LCT: variants seen among roughly 807,000 people sequenced by gnomAD.
The protein encoded by LCT is lactase/phlorizin hydrolase.
Under a neutral mutation model 173.0 loss-of-function variants are expected in LCT, and 90 were observed. The observed-to-expected ratio is 0.52, with a 90% CI of 0.44 to 0.62. LCT has a LOEUF of 0.62. Among genes scored for constraint, LCT ranks in the 20% least tolerant of loss-of-function variants. LCT has a pLI of 0.00. For synonymous variants in LCT, 853 were observed against 957.6 expected, an observed-to-expected ratio of 0.89 and a Z score of 2.02; for missense variants, 1,864 against 2,431.4, an observed-to-expected ratio of 0.77 and a Z score of 4.91.
At chr2:135,801,672 CA>C in intron 11 of LCT, among the ~76,000 whole-genome samples, 1 of 150,156 alleles carries the variant, frequency 6.7e-6, no homozygotes, top group Middle Eastern at 3.4e-3. Flanking sequence ...CCGAGGGGTT[CA>C]AACAATTCTC....
At chr2:135,803,852 G>T in intron 11 of LCT, 78 bp downstream of exon 11, 2 of 1,358,846 alleles carry the variant, frequency 1.5e-6, no homozygotes, top group South Asian at 1.2e-5. Context: ...GCCTCGTCCT[G>T]TGCCATCTGG....
intron 14 of LCT, among the ~76,000 whole-genome samples, chr2:135,794,027 C>G (rs928018726): frequency 1.3e-5 from 2 of 151,070 alleles, no homozygotes; most frequent in Non-Finnish European, 2.9e-5. Flanking sequence ...GTAATCCCAG[C>G]TACTTGGAGG....
At chr2:135,797,989 G>A (rs754045877) in intron 13 of LCT, 40 bp downstream of exon 13, 1 of 1,122,036 alleles carries the variant, frequency 8.9e-7, no homozygotes, top group East Asian at 2.3e-5. Context: ...CTGTGACCCC[G>A]ACGCCCATGC....
At chr2:135,816,871 A>ATTT (rs34890037) in intron 6 of LCT, among the ~76,000 whole-genome samples, 9 of 147,062 alleles carry the variant, frequency 6.1e-5, no homozygotes, top group African/African-American at 2.3e-4. Context: ...GTGATTAACA[A>ATTT]TTTTTTTTTT....
intron 2 of LCT, among the ~76,000 whole-genome samples, chr2:135,830,542 C>T (rs1178742812): frequency 6.6e-6 from 1 of 152,198 alleles, no homozygotes; most frequent in African/African-American, 2.4e-5. Flanking sequence ...TCTGTGAATG[C>T]CTAGTGTTCC....
At chr2:135,821,488 C>T (rs1403468481) in intron 5 of LCT, among the ~76,000 whole-genome samples, 1 of 152,182 alleles carries the variant, frequency 6.6e-6, no homozygotes, top group African/African-American at 2.4e-5. Context: ...ACACTGTCTC[C>T]AGCAAGATCT....
chr2:135,833,326 A>G, intron 1 of LCT, 136 bp from the exon 2 acceptor site: 1 of 756,082 alleles, frequency 1.3e-6, no homozygotes, highest in South Asian at 1.4e-5. Context: ...AAGATTTTAG[A>G]AGACAAGGTG....
chr2:135,819,752 C>T (rs1196727482), intron 5 of LCT, among the ~76,000 whole-genome samples: 3 of 152,180 alleles, frequency 2.0e-5, no homozygotes, highest in African/African-American at 4.8e-5. Context: ...GGATGTGTCG[C>T]GTCCCCTCGG....
intron 9 of LCT, among the ~76,000 whole-genome samples, chr2:135,806,276 C>G (rs902216635): frequency 6.6e-6 from 1 of 152,006 alleles, no homozygotes; most frequent in African/African-American, 2.4e-5. Context: ...CACACCTGGA[C>G]CAATGTGCTT....
At chr2:135,799,236 C>A (rs2077606407) in intron 12 of LCT, among the ~76,000 whole-genome samples, 1 of 152,068 alleles carries the variant, frequency 6.6e-6, no homozygotes, top group Non-Finnish European at 1.5e-5. Context: ...TGGTGTTTCC[C>A]CCGAGAGAGT....
chr2:135,800,653 T>C lies in LCT; in HGVS notation c.4820A>G (p.Asp1607Gly). 1 of 1,613,052 alleles carries C rather than the reference T, an allele frequency of 6.2e-7. No individual in the cohort carries two copies. The highest frequency in any genetic ancestry group is 8.5e-7 in the Non-Finnish European group (1 of 1,180,026). The change falls in exon 12 of 17, where the codon GAT becomes GGT. Residue 1607 changes from aspartate (D) to glycine (G), a missense_variant. Transcript: ENST00000264162. ...TISSDWAEPR[D>G]PSNQEDVEAA... ...CTCCACATCCTCCTGGTTAGAGGGA[T>C]CTCTGGGTTCAGCCCAGTCACTGCT...
At position 135,808,457 on chromosome 2, in the gene LCT, T is replaced by C. The variant is rs770117710; in HGVS notation, c.3890A>G (p.Asn1297Ser). 5 of 1,613,078 alleles carry C rather than the reference T, an allele frequency of 3.1e-6. No individual in the cohort carries two copies. Among genetic ancestry groups the C allele is most frequent in the Middle Eastern group, 1.6e-4 (1 of 6,082 alleles). ...DRIFYHKTYI[N>S]EALKAYRLDG... ...CCCTCACACACCTTTCAAAGCCTCA[T>C]TGATGTAGGTTTTGTGGTAAAATAT... Residue 1297 changes from asparagine (N) to serine (S), a missense_variant, in exon 8 of 17, where the codon AAT becomes AGT. Asn to Ser is a conservative substitution (Grantham distance 46). This residue lies in a region of LCT where 755 missense variants were observed against 926.3 expected (regional missense o/e 0.82). Coordinates refer to ENST00000264162, the MANE Select transcript of LCT (RefSeq NM_002299.4).
intron 4 of LCT, among the ~76,000 whole-genome samples, chr2:135,823,519 G>A (rs903878819): frequency 1.2e-4 from 18 of 152,312 alleles, no homozygotes; most frequent in African/African-American, 4.1e-4. Flanking sequence ...AAGGGTAAGT[G>A]GAGAGGGCTG....
intron 4 of LCT, 78 bp from the exon 5 acceptor site, chr2:135,822,176 C>CG (rs2077840277): frequency 1.1e-6 from 1 of 890,482 alleles, no homozygotes; most frequent in Non-Finnish European, 1.9e-6. Flanking sequence ...CAGTTTTCCT[C>CG]GCTCATACGA....
At chr2:135,821,980 A>G in intron 5 of LCT, 40 bp downstream of exon 5, 1 of 1,110,520 alleles carries the variant, frequency 9.0e-7, no homozygotes. Flanking sequence ...TATTCTACAA[A>G]TATCAGTTAT....
In LCT at chr2:135,804,797, A is replaced by G. The variant is rs778761405; in HGVS notation, c.4434T>C (p.Asp1478=). ...AGLNYYVRLI[D]TLLAASIQPQ... Reference sequence around the variant, plus strand: ...GCTGGATGCTGGCGGCCAGCAGTGTATCGATGAGCCTCACGTAGTAGTTCA... The same window carrying G: ...GCTGGATGCTGGCGGCCAGCAGTGTGTCGATGAGCCTCACGTAGTAGTTCA... The change falls in exon 10 of 17, where the codon GAT becomes GAC. Residue 1478 remains aspartate (D), a synonymous_variant. Coordinates refer to ENST00000264162, the MANE Select transcript of LCT (RefSeq NM_002299.4). The G allele has an allele frequency of 1.5e-5, 24 of 1,613,064 alleles. No individual in the cohort carries two copies. Among genetic ancestry groups the G allele is most frequent in the Non-Finnish European group, 1.9e-5 (22 of 1,180,040 alleles).
At position 135,817,965 on chromosome 2, in the gene LCT, T is replaced by C. The variant is rs760664766; in HGVS notation, c.1083A>G (p.Arg361=). Residue 361 remains arginine, a synonymous_variant, in exon 6 of 17, where the codon AGA becomes AGG. Coordinates refer to ENST00000264162, the MANE Select transcript of LCT (RefSeq NM_002299.4). ...ACTGATTGGCAAATGCTTCCCAGAT[T>C]CTCTGATAGGCAGAGGCAGGAGAGG... The part of the protein sequence containing the change: ...TDSSPASAYQ[R]IWEAFANQSR... The C allele has an allele frequency of 2.1e-5, 34 of 1,613,770 alleles. No individual in the cohort carries two copies. Among genetic ancestry groups the C allele is most frequent in the Non-Finnish European group, 2.8e-5 (33 of 1,179,974 alleles).
intron 4 of LCT, chr2:135,822,841 A>C (rs1235828608): frequency 1.3e-5 from 2 of 153,390 alleles, no homozygotes; most frequent in African/African-American, 2.4e-5. Flanking sequence ...TTCAGGGATT[A>C]GTGCAGTCTC....
At position 135,809,700 on chromosome 2, in the gene LCT, C is replaced by T. The variant is rs187369069; in HGVS notation, c.2647G>A (p.Val883Ile). The change falls in exon 8 of 17, where the codon GTT becomes ATT. Residue 883 changes from valine (V) to isoleucine (I), a missense_variant. By Grantham distance (29) the Val-to-Ile change is conservative. Coordinates refer to ENST00000264162, the MANE Select transcript of LCT (RefSeq NM_002299.4). The surrounding 1 kb of genome is among the most constrained non-coding windows in gnomAD (Gnocchi z 5.5). ...PSEVPSKAKV[V>I]WEKFSSQPKF... ...GGTTGGCTGGAGAACTTTTCCCAAA[C>T]GACTTTAGCCTTGGAGGGCACCTCA... The T allele has an allele frequency of 3.4e-5, 55 of 1,614,222 alleles. No individual in the cohort carries two copies. Among genetic ancestry groups the T allele is most frequent in the Admixed American group, 1.0e-4 (6 of 60,026 alleles).
Sources: allele counts gnomAD v4.1 joint callset (sites outside exome capture counted in the v4.1 genomes callset), GRCh38; gene constraint gnomAD v4.1.1; regional missense constraint gnomAD v4.1.1; non-coding constraint Gnocchi (gnomAD v3.1); transcripts MANE v1.5; gene names NCBI Gene and HGNC (gene_info 2026-07-23, HGNC 2026-07-21).